The following SAT2 variants were observed in gnomAD, a reference collection of about 807,000 sequenced individuals.
The protein encoded by SAT2 is thialysine N-epsilon-acetyltransferase.
SAT2 carries 19 observed loss-of-function variants against 24.8 expected under a neutral mutation model. That is an observed-to-expected ratio of 0.77 (90% CI 0.53 to 1.12). The LOEUF (loss-of-function observed/expected upper bound fraction) is 1.12. Among genes scored for constraint, SAT2 ranks in the 50% most tolerant of loss-of-function variants. The probability of loss-of-function intolerance (pLI) is 0.00; values close to 1 mark genes in which losing one functional copy is unlikely to be tolerated. For synonymous variants in SAT2, 77 were observed against 77.4 expected, an observed-to-expected ratio of 0.99 and a Z score of 0.03; for missense variants, 190 against 210.7, an observed-to-expected ratio of 0.90 and a Z score of 0.61.
At position 7,627,626 on chromosome 17, in the gene SAT2, C is replaced by A; in HGVS notation, c.10G>T (p.Val4Leu). ...CCCTCCTTGGCCTCTCGGATCCGCA[C>A]GGAAGCCATCCGGATCCCCGCTGTC... is the stretch of plus-strand genomic sequence containing the variant. MAS[V>L]RIREAKEGDC... Residue 4 changes from valine (V) to leucine (L), a missense_variant, in exon 1 of 6, where the codon GTG becomes TTG. Val to Leu is a conservative substitution (Grantham distance 32, BLOSUM62 1). Coordinates refer to ENST00000269298, the MANE Select transcript of SAT2 (RefSeq NM_133491.5). The surrounding 1 kb of genome is among the most constrained non-coding windows in gnomAD (Gnocchi z 4.8). 6.2e-7 allele frequency: 1 copy of A among 1,613,864 alleles called. No homozygotes were observed. Among genetic ancestry groups the A allele is most frequent in the Non-Finnish European group, 8.5e-7 (1 of 1,179,940 alleles).
chr17:7,627,864 C>T (rs918123906), upstream of SAT2: 33 of 650,278 alleles, frequency 5.1e-5, no homozygotes, highest in Admixed American at 3.4e-4. The surrounding 1 kb of genome is among the most constrained non-coding windows in gnomAD (Gnocchi z 4.8). Flanking sequence ...ATAGCCCCAC[C>T]CCCTCGAATT....
Position 7,627,704 on chromosome 17 carries a change from C to T in SAT2, c.-69G>A, listed in dbSNP as rs759668116. 2 of 1,564,202 alleles carry T rather than the reference C, an allele frequency of 1.3e-6. No homozygotes were observed. The highest frequency in any genetic ancestry group is 1.7e-5 in the Admixed American group (1 of 59,850). ...ACGGCAACTAGACCCCTTAAAGGGC[C>T]TACGGACTTGGATCCTGAAGAGCCT... On this transcript the variant is annotated 5_prime_UTR_variant, in exon 1 of 6. Transcript: ENST00000269298. The surrounding 1 kb of genome is among the most constrained non-coding windows in gnomAD (Gnocchi z 4.8).
Position 7,626,625 on chromosome 17 carries a change from A to G in SAT2, c.346-11T>C, listed in dbSNP as rs374300773. 482 of 1,611,648 alleles carry G rather than the reference A, an allele frequency of 3.0e-4. No homozygotes were observed. The highest frequency in any genetic ancestry group is 3.2e-4 in the Non-Finnish European group (374 of 1,178,944). ...CTTATCCAAGGCCACCTGTGGGAGA[A>G]GACAACACTAACTTTTCTGGGGTCA... On this transcript the variant is annotated splice_polypyrimidine_tract_variant and intron_variant, in intron 5 of 5. Transcript: ENST00000269298.
intron 4 of SAT2, 67 bp from the exon 5 acceptor site, chr17:7,626,860 C>T (rs2072225548): frequency 5.0e-6 from 8 of 1,605,682 alleles, no homozygotes; most frequent in Middle Eastern, 1.6e-4. Flanking sequence ...AAAATGACAC[C>T]GGCTGGGCTC....
intron 4 of SAT2, 67 bp downstream of exon 4, chr17:7,626,876 A>C: frequency 6.2e-7 from 1 of 1,601,676 alleles, no homozygotes; most frequent in East Asian, 2.2e-5. Context: ...GGCTCTGGGG[A>C]CAGGGGATAA....
Position 7,627,767 on chromosome 17 carries a change from G to A in SAT2, c.-132C>T. The A allele has an allele frequency of 9.9e-7, 1 of 1,008,704 alleles. No individual in the cohort carries two copies. Among genetic ancestry groups the A allele is most frequent in the Non-Finnish European group, 1.5e-6 (1 of 650,096 alleles). The allele number at this position is 1,008,704 out of a possible 1,614,324, so 62.5% of individuals were successfully genotyped here. ...TGGCGGGAGTCGGGGGGGACGGCGG[G>A]GTAGCCGCGGCCTGGTAAGTGGAGC... is the stretch of plus-strand genomic sequence containing the variant. On this transcript the variant is annotated 5_prime_UTR_variant, in exon 1 of 6. Coordinates refer to ENST00000269298, the MANE Select transcript of SAT2 (RefSeq NM_133491.5). This position sits in a 1 kb window ranked among gnomAD's most constrained non-coding sequence, Gnocchi z 4.8.
chr17:7,627,252 GAGAT>G lies in SAT2; in HGVS notation c.119-30_119-27del. 1 of 1,613,802 alleles carries G rather than the reference GAGAT, an allele frequency of 6.2e-7. No individual in the cohort carries two copies. The highest frequency in any genetic ancestry group is 8.5e-7 in the Non-Finnish European group (1 of 1,179,748). On this transcript the variant is annotated intron_variant, in intron 2 of 5. Coordinates refer to ENST00000269298, the MANE Select transcript of SAT2 (RefSeq NM_133491.5). This position sits in a 1 kb window ranked among gnomAD's most constrained non-coding sequence, Gnocchi z 4.8. ...CTGCCGAGATTGGAGTTGTGACAAA[GAGAT>G]AGAGAAAGAGGACGTGGGTGTATGC...
At position 7,627,437 on chromosome 17, in the gene SAT2, A is replaced by T; in HGVS notation, c.67-23T>A. 1.2e-6 allele frequency: 2 copies of T among 1,613,842 alleles called. No homozygotes were observed. The highest frequency in any genetic ancestry group is 1.7e-6 in the Non-Finnish European group (2 of 1,179,828). ...CTCCTAAGGCGTGGGTACGGAAGCT[A>T]GATTAGAGCAGAAGGGCCCCGCTGC... On this transcript the variant is annotated intron_variant, in intron 1 of 5. Coordinates refer to ENST00000269298, the MANE Select transcript of SAT2 (RefSeq NM_133491.5). This position sits in a 1 kb window ranked among gnomAD's most constrained non-coding sequence, Gnocchi z 4.8.
At position 7,627,753 on chromosome 17, in the gene SAT2, G is replaced by C. The variant is rs774242545; in HGVS notation, c.-118C>G. ...CTGAGAGAGCGGGGTGGCGGGAGTC[G>C]GGGGGGACGGCGGGGTAGCCGCGGC... On this transcript the variant is annotated 5_prime_UTR_variant, in exon 1 of 6. Coordinates refer to ENST00000269298, the MANE Select transcript of SAT2 (RefSeq NM_133491.5). This position sits in a 1 kb window ranked among gnomAD's most constrained non-coding sequence, Gnocchi z 4.8. 1 of 1,136,082 alleles carries C rather than the reference G, an allele frequency of 8.8e-7. No homozygotes were observed. The highest frequency in any genetic ancestry group is 2.5e-5 in the East Asian group (1 of 39,918). 70.4% of individuals were successfully genotyped at this position (1,136,082 alleles called of 1,614,324 possible). A position where few individuals can be genotyped will look rare whatever the true frequency, so the allele number is the denominator to read the frequency against.
chr17:7,627,817 G>A lies in SAT2; in HGVS notation c.-182C>T. ...CTGGGATTCCGGCGCCGTACGGGAGGAGAGAGTAGGCCAGCGAGGCGATCC... is the reference window on the plus strand; with the variant it reads ...CTGGGATTCCGGCGCCGTACGGGAGAAGAGAGTAGGCCAGCGAGGCGATCC... On this transcript the variant is annotated 5_prime_UTR_variant, in exon 1 of 6. Coordinates refer to ENST00000269298, the MANE Select transcript of SAT2 (RefSeq NM_133491.5). This position sits in a 1 kb window ranked among gnomAD's most constrained non-coding sequence, Gnocchi z 4.8. 1.4e-6 allele frequency: 1 copy of A among 706,656 alleles called. No homozygotes were observed. The highest frequency in any genetic ancestry group is 1.6e-5 in the South Asian group (1 of 63,020). The allele number at this position is 706,656 out of a possible 1,614,324, so 43.8% of individuals were successfully genotyped here. A position where few individuals can be genotyped will look rare whatever the true frequency, so the allele number is the denominator to read the frequency against.
In SAT2 at chr17:7,627,361, AC is replaced by A; in HGVS notation, c.118+1del. 6.2e-7 allele frequency: 1 copy of A among 1,613,970 alleles called. No homozygotes were observed. The highest frequency in any genetic ancestry group is 8.5e-7 in the Non-Finnish European group (1 of 1,179,976). ...GCCAGAACCTGGGCGCTGAGCCCCC[AC>A]CTTCTTCACTGATCTTCACCTGATC... On this transcript the variant is annotated splice_donor_variant, in intron 2 of 5. Coordinates refer to ENST00000269298, the MANE Select transcript of SAT2 (RefSeq NM_133491.5). LOFTEE classifies it high-confidence loss of function. The surrounding 1 kb of genome is among the most constrained non-coding windows in gnomAD (Gnocchi z 4.8).
chr17:7,626,476 C>G lies in SAT2; in HGVS notation c.484G>C (p.Glu162Gln), dbSNP rs775731181. The change falls in exon 6 of 6, where the codon GAG becomes CAG. Residue 162 changes from glutamate (E) to glutamine (Q), a missense_variant. Transcript: ENST00000269298. ...TTTCCTGCCAACTTTCTCGTTGCCT[C>G]TCCTTGAAAGCAGAAGAAGTGCCAG... ...EGWHFFCFQGEATRKLAGK is the reference protein window; with the variant it reads ...EGWHFFCFQGQATRKLAGK 9.3e-6 allele frequency: 15 copies of G among 1,613,984 alleles called. No homozygotes were observed. The highest frequency in any genetic ancestry group is 1.2e-5 in the Non-Finnish European group (14 of 1,180,026).
In SAT2 at chr17:7,626,436, T is replaced by G. The variant is rs2072207809; in HGVS notation, c.*11A>C. 6.2e-7 allele frequency: 1 copy of G among 1,613,566 alleles called. No individual in the cohort carries two copies. Among genetic ancestry groups the G allele is most frequent in the Admixed American group, 1.7e-5 (1 of 59,952 alleles). On this transcript the variant is annotated 3_prime_UTR_variant, in exon 6 of 6. Coordinates refer to ENST00000269298, the MANE Select transcript of SAT2 (RefSeq NM_133491.5). ...GAGAAACTCAAGACAGAGATCCTCC[T>G]AGGGATGGCGTCACTTTCCTGCCAA...
Position 7,627,336 on chromosome 17 carries a change from G to A in SAT2, c.118+27C>T. 6.2e-7 allele frequency: 1 copy of A among 1,613,960 alleles called. No homozygotes were observed. Among genetic ancestry groups the A allele is most frequent in the African/African-American group, 1.3e-5 (1 of 75,024 alleles). On this transcript the variant is annotated intron_variant, in intron 2 of 5. Transcript: ENST00000269298. The surrounding 1 kb of genome is among the most constrained non-coding windows in gnomAD (Gnocchi z 4.8). ...ATCCCTCATTTCCTCCCCAGCCTCC[G>A]CCAGAACCTGGGCGCTGAGCCCCCA...
Position 7,627,652 on chromosome 17 carries a change from T to C in SAT2, c.-17A>G, listed in dbSNP as rs568064595. On this transcript the variant is annotated 5_prime_UTR_variant, in exon 1 of 6. Transcript: ENST00000269298. This position sits in a 1 kb window ranked among gnomAD's most constrained non-coding sequence, Gnocchi z 4.8. The stretch of plus-strand genomic sequence containing the variant: ...GGAAGCCATCCGGATCCCCGCTGTC[T>C]GGGACCAAAGTCCCAGGGCCTCGCA... 13 of 1,613,952 alleles carry C rather than the reference T, an allele frequency of 8.1e-6. No homozygotes were observed. The highest frequency in any genetic ancestry group is 6.6e-5 in the South Asian group (6 of 91,078).
chr17:7,626,966 A>C lies in SAT2; in HGVS notation c.281T>G (p.Ile94Ser). Reference sequence around the variant, plus strand: ...ACCCCGATATTCCGGCATCACATAGATATCCTCCAGATAAATGGTGCGTCC... The same window carrying C: ...ACCCCGATATTCCGGCATCACATAGCTATCCTCCAGATAAATGGTGCGTCC... ...WKGRTIYLED[I>S]YVMPEYRGQG... The change falls in exon 4 of 6, where the codon ATC (isoleucine) becomes AGC (serine). Residue 94 changes from isoleucine to serine, a missense_variant. By Grantham distance (142) the Ile-to-Ser change is moderately radical. Transcript: ENST00000269298. 6.2e-7 allele frequency: 1 copy of C among 1,613,956 alleles called. No homozygotes were observed. Among genetic ancestry groups the C allele is most frequent in the South Asian group, 1.1e-5 (1 of 91,082 alleles).
At chr17:7,626,643 TG>T (rs769151774) in intron 5 of SAT2, 29 bp from the exon 6 acceptor site, 170 of 1,611,142 alleles carry the variant, frequency 1.1e-4, no homozygotes, top group Non-Finnish European at 1.4e-4. Context: ...CTAACTTTTC[TG>T]GGGTCAAAAA....
At position 7,627,356 on chromosome 17, in the gene SAT2, C is replaced by T. The variant is rs1340589746; in HGVS notation, c.118+7G>A. 1 of 1,613,990 alleles carries T rather than the reference C, an allele frequency of 6.2e-7. No individual in the cohort carries two copies. The highest frequency in any genetic ancestry group is 8.5e-7 in the Non-Finnish European group (1 of 1,180,010). ...CCTCCGCCAGAACCTGGGCGCTGAG[C>T]CCCCACCTTCTTCACTGATCTTCAC... is the stretch of plus-strand genomic sequence containing the variant. On this transcript the variant is annotated splice_region_variant and intron_variant, in intron 2 of 5. Coordinates refer to ENST00000269298, the MANE Select transcript of SAT2 (RefSeq NM_133491.5). This position sits in a 1 kb window ranked among gnomAD's most constrained non-coding sequence, Gnocchi z 4.8.
rs563291089 is a variant in SAT2, at chr17:7,626,880, G to C, written c.304+63C>G. On this transcript the variant is annotated intron_variant, in intron 4 of 5. Coordinates refer to ENST00000269298, the MANE Select transcript of SAT2 (RefSeq NM_133491.5). ...GACACCGGCTGGGCTCTGGGGACAG[G>C]GGATAACAGTGGGGTCTGTGGGGTG... 89 of 1,602,952 alleles carry C rather than the reference G, an allele frequency of 5.6e-5. No homozygotes were observed. In the African/African-American group the frequency reaches 1.1e-3, roughly 19 times the overall value.
Sources: allele counts gnomAD v4.1 joint callset, GRCh38; gene constraint gnomAD v4.1.1; non-coding constraint Gnocchi (gnomAD v3.1); transcripts MANE v1.5; gene names NCBI Gene and HGNC (gene_info 2026-07-23, HGNC 2026-07-21).